The following FOXN3 variants were observed in gnomAD, a reference collection of about 807,000 sequenced individuals.
The protein encoded by FOXN3 is forkhead box protein N3.
FOXN3 carries 7 observed loss-of-function variants against 38.4 expected under a neutral mutation model. The ratio of observed to expected loss-of-function variants is 0.18; its 90% CI spans 0.10 to 0.34. The LOEUF (loss-of-function observed/expected upper bound fraction) is 0.34. FOXN3 is among the 10% of genes least tolerant of loss of function. The pLI is 1.00. For synonymous variants in FOXN3, 230 were observed against 242.2 expected (o/e 0.95, Z 0.47); for missense variants, 456 against 613.4 (o/e 0.74, Z 2.71).
At chr14:89,244,033 A>T (rs963330083) in intron 4 of FOXN3, among the ~76,000 whole-genome samples, 4 of 152,216 alleles carry the variant, frequency 2.6e-5, no homozygotes, top group Non-Finnish European at 4.4e-5. Context: ...TTTGCAGAGG[A>T]AACAGCTACA....
Position 89,204,052 on chromosome 14 carries a change from T to TACACAC in FOXN3, c.746-23252_746-23247dup, listed in dbSNP as rs10559428. ...ACCGGTATAACCAGGCATACTCCCT[T>TACACAC]ACACACACACACACACACACACACA... is the stretch of plus-strand genomic sequence containing the variant. On this transcript the variant is annotated intron_variant, in intron 4 of 5. Coordinates refer to ENST00000557258, the MANE Select transcript of FOXN3 (RefSeq NM_005197.4). Among the ~76,000 whole-genome samples the TACACAC allele has an allele frequency of 2.1e-3, 276 of 133,750 alleles. 2 individuals are homozygous for TACACAC. Among genetic ancestry groups the TACACAC allele is most frequent in the Non-Finnish European group, 2.7e-3 (168 of 61,774 alleles). 87.7% of individuals were successfully genotyped at this position (133,750 alleles called of 152,430 possible).
chr14:89,268,629 C>G (rs1167709256), intron 4 of FOXN3, among the ~76,000 whole-genome samples: 1 of 152,208 alleles, frequency 6.6e-6, no homozygotes, highest in Non-Finnish European at 1.5e-5. Context: ...CGTACCCCAG[C>G]AGATTCCATG....
At chr14:89,329,324 T>C (rs1387244757) in intron 3 of FOXN3, among the ~76,000 whole-genome samples, 1 of 152,170 alleles carries the variant, frequency 6.6e-6, no homozygotes, top group African/African-American at 2.4e-5. Context: ...TTCCAGAATA[T>C]CCATGGAAAA....
At chr14:89,448,020 G>A (rs1892542756) in intron 1 of FOXN3, among the ~76,000 whole-genome samples, 2 of 151,708 alleles carry the variant, frequency 1.3e-5, no homozygotes, top group Non-Finnish European at 1.5e-5. Context: ...CACCATGTTG[G>A]TCAGGCTGGT....
intron 3 of FOXN3, among the ~76,000 whole-genome samples, chr14:89,317,705 TC>T (rs904348395): frequency 2.0e-5 from 3 of 149,816 alleles, no homozygotes; most frequent in East Asian, 2.0e-4. Context: ...CTACCTCCTT[TC>T]CCCCCCCATA....
At position 89,416,850 on chromosome 14, in the gene FOXN3, AGGAGCGGGGTGCAAACTCACCTGGCC is replaced by A. The variant is rs1312244474; in HGVS notation, c.-20_-15+20del. On this transcript the variant is annotated splice_donor_variant and splice_donor_5th_base_variant and 5_prime_UTR_variant and intron_variant, in exon 1 of 6. Coordinates refer to ENST00000557258, the MANE Select transcript of FOXN3 (RefSeq NM_005197.4). LOFTEE classifies it low-confidence loss of function (5UTR_SPLICE). Reference sequence around the variant, plus strand: ...CCCCCGAGCCCACGCGGGAGCCGGCAGGAGCGGGGTGCAAACTCACCTGGCCGGAGCGGGGCACGGGGGTGCGGGGG... The same window carrying A: ...CCCCCGAGCCCACGCGGGAGCCGGCAGGAGCGGGGCACGGGGGTGCGGGGG... 6.6e-6 allele frequency: 1 copy of A among 151,882 alleles called. No individual in the cohort carries two copies. The allele number at this position is 151,882 out of a possible 1,614,324, so 9.4% of individuals were successfully genotyped here. A position where few individuals can be genotyped will look rare whatever the true frequency, so the allele number is the denominator to read the frequency against.
intron 5 of FOXN3, among the ~76,000 whole-genome samples, chr14:89,179,940 G>T (rs1436609501): frequency 6.6e-6 from 1 of 152,254 alleles, no homozygotes; most frequent in Admixed American, 6.5e-5. Flanking sequence ...GTGATGCAGG[G>T]GCAGTCACAG....
intron 1 of FOXN3, among the ~76,000 whole-genome samples, chr14:89,493,607 T>C (rs186074129): frequency 1.4e-3 from 215 of 152,228 alleles, no homozygotes; most frequent in Non-Finnish European, 2.5e-3. Flanking sequence ...TTGGAGAGAA[T>C]GAGATATTTA....
chr14:89,436,289 T>TAAA (rs77915176), intron 1 of FOXN3, among the ~76,000 whole-genome samples: 5,329 of 134,776 alleles, frequency 0.04, 290 homozygotes, highest in African/African-American at 0.12. Context: ...GTTTATTCAT[T>TAAA]AAAAAAAAAA....
intron 2 of FOXN3, among the ~76,000 whole-genome samples, chr14:89,391,777 G>A (rs1024443932): frequency 3.9e-5 from 6 of 152,124 alleles, no homozygotes; most frequent in Non-Finnish European, 8.8e-5. Context: ...GGCCGAGGTG[G>A]GTGGACTGCT....
At chr14:89,255,629 T>C (rs921549229) in intron 4 of FOXN3, among the ~76,000 whole-genome samples, 2 of 152,122 alleles carry the variant, frequency 1.3e-5, no homozygotes, top group African/African-American at 2.4e-5. Context: ...AAATTGCACA[T>C]GTCTGTTTGG....
At chr14:89,564,590 A>G (rs1004044566) in intron 1 of FOXN3, among the ~76,000 whole-genome samples, 2 of 152,180 alleles carry the variant, frequency 1.3e-5, no homozygotes, top group African/African-American at 4.8e-5. Context: ...ACCGCAGTTT[A>G]AAGTCTCCAA....
chr14:89,604,274 G>A (rs1023259148), intron 1 of FOXN3, among the ~76,000 whole-genome samples: 1 of 149,726 alleles, frequency 6.7e-6, no homozygotes, highest in Non-Finnish European at 1.5e-5. Context: ...CACACACACA[G>A]AGAGAGAGAG....
At position 89,613,116 on chromosome 14, in the gene FOXN3, CAAAAAA is replaced by C. The variant is rs10581958; in HGVS notation, c.-15+5906_-15+5911del. On this transcript the variant is annotated intron_variant, in intron 1 of 6. Coordinates refer to the FOXN3 transcript ENST00000345097. Reference sequence around the variant, plus strand: ...TGGGCGACAGAGCAAGACTCTGTCTCAAAAAAAAAAAAAAAAAAAAAAAAACTCTTA... The same window carrying C: ...TGGGCGACAGAGCAAGACTCTGTCTCAAAAAAAAAAAAAAAAAAACTCTTA... 6.2e-4 allele frequency among the ~76,000 whole-genome samples: 46 copies of C among 74,578 alleles called. 2 individuals carry two copies. Among genetic ancestry groups the C allele is most frequent in the East Asian group, 1.9e-3 (5 of 2,596 alleles). The allele number at this position is 74,578 out of a possible 152,430, so 48.9% of individuals were successfully genotyped here.
chr14:89,473,537 G>C (rs1020254876), intron 1 of FOXN3, among the ~76,000 whole-genome samples: 1 of 151,980 alleles, frequency 6.6e-6, no homozygotes, highest in African/African-American at 2.4e-5. Flanking sequence ...CATCATACCT[G>C]GTTAATTTTT....
At chr14:89,500,553 A>C (rs1040370065) in intron 1 of FOXN3, among the ~76,000 whole-genome samples, 1 of 152,216 alleles carries the variant, frequency 6.6e-6, no homozygotes, top group African/African-American at 2.4e-5. Flanking sequence ...TAAGGCCAGA[A>C]GCCAAGCTGA....
At chr14:89,455,797 C>G (rs1419655720) in intron 1 of FOXN3, among the ~76,000 whole-genome samples, 1 of 152,172 alleles carries the variant, frequency 6.6e-6, no homozygotes, top group Non-Finnish European at 1.5e-5. Context: ...CGAAATGGCC[C>G]ATTCTAGATC....
At chr14:89,295,921 A>C (rs1428070196) in intron 3 of FOXN3, among the ~76,000 whole-genome samples, 1 of 151,928 alleles carries the variant, frequency 6.6e-6, no homozygotes, top group Non-Finnish European at 1.5e-5. Flanking sequence ...ATCTCTTATA[A>C]ACATAATTAA....
intron 1 of FOXN3, among the ~76,000 whole-genome samples, chr14:89,493,118 C>T (rs934623960): frequency 2.0e-5 from 3 of 152,174 alleles, no homozygotes; most frequent in South Asian, 4.1e-4. Flanking sequence ...CACCTATGGT[C>T]GGAAAACTAA....
Sources: gnomAD v4.1 joint callset for allele counts (sites outside exome capture counted in the v4.1 genomes callset) on GRCh38, gnomAD v4.1.1 for gene constraint, MANE v1.5 for transcripts, NCBI Gene and HGNC (gene_info 2026-07-23, HGNC 2026-07-21) for gene names.